The following P3H1 variants were observed in gnomAD, a reference collection of about 807,000 sequenced individuals.
P3H1 encodes prolyl 3-hydroxylase 1.
A neutral mutation model predicts 84.0 loss-of-function variants in P3H1; 69 were observed. The observed-to-expected ratio is 0.82, with a 90% CI of 0.68 to 1.00. The LOEUF (loss-of-function observed/expected upper bound fraction) is 1.00. Among genes scored for constraint, P3H1 ranks in the 50% least tolerant of loss-of-function variants. The pLI, the probability that P3H1 is intolerant of heterozygous loss-of-function variation, is 0.00. For missense variants in P3H1, 878 were observed against 962.8 expected, an observed-to-expected ratio of 0.91 and a Z score of 1.17; for synonymous variants, 366 against 388.8, an observed-to-expected ratio of 0.94 and a Z score of 0.69.
At position 42,755,713 on chromosome 1, in the gene P3H1, A is replaced by G. The variant is rs892385792; in HGVS notation, c.1081-76T>C. The stretch of plus-strand genomic sequence containing the variant: ...ACCTCTGGGAGTTCCCCTCCCTGGC[A>G]CCCCACACTGATGCTCCCATGTGAC... On this transcript the variant is annotated intron_variant, in intron 5 of 14. Transcript: ENST00000296388. 22 of 1,075,674 alleles carry G rather than the reference A, an allele frequency of 2.0e-5. No homozygotes were observed. In the African/African-American group the frequency reaches 3.1e-4, roughly 15 times the overall value. 66.6% of individuals were successfully genotyped at this position (1,075,674 alleles called of 1,614,324 possible).
chr1:42,746,638 G>C lies in P3H1; in HGVS notation c.*59C>G. ...CAGCCCCGAGGGGCTGGCCAGCTCA[G>C]AGTGCAGAAGAGTTCCTCTCCATGG... On this transcript the variant is annotated 3_prime_UTR_variant, in exon 15 of 15. Coordinates refer to ENST00000296388, the MANE Select transcript of P3H1 (RefSeq NM_022356.4). The C allele has an allele frequency of 7.1e-7, 1 of 1,407,840 alleles. No homozygotes were observed. Among genetic ancestry groups the C allele is most frequent in the Non-Finnish European group, 9.8e-7 (1 of 1,017,232 alleles). 87.2% of individuals were successfully genotyped at this position (1,407,840 alleles called of 1,614,324 possible).
chr1:42,758,797 T>G (rs775941167), intron 4 of P3H1, 55 bp downstream of exon 4: 1 of 1,605,800 alleles, frequency 6.2e-7, no homozygotes, highest in Non-Finnish European at 8.5e-7. Context: ...CTGCCCACCT[T>G]GCCTTTAGCT....
chr1:42,748,348 G>A lies in P3H1; in HGVS notation c.1721-31C>T, dbSNP rs1434674663. The A allele has an allele frequency of 2.6e-6, 4 of 1,519,114 alleles. No individual in the cohort carries two copies. The African/African-American group carries it at 5.5e-5, about 21-fold the overall frequency. 94.1% of individuals were successfully genotyped at this position (1,519,114 alleles called of 1,614,324 possible). On this transcript the variant is annotated intron_variant, in intron 11 of 14. Transcript: ENST00000296388. ...GCCAATGTCACACATGTTAGCAAGGGAGCACCTCGGGAGACGGCATAGCTC... is the reference window on the plus strand; with the variant it reads ...GCCAATGTCACACATGTTAGCAAGGAAGCACCTCGGGAGACGGCATAGCTC...
chr1:42,746,616 C>T lies in P3H1; in HGVS notation c.*81G>A. 1.7e-6 allele frequency: 2 copies of T among 1,195,670 alleles called. No homozygotes were observed. The highest frequency in any genetic ancestry group is 2.4e-6 in the Non-Finnish European group (2 of 825,298). 74.1% of individuals were successfully genotyped at this position (1,195,670 alleles called of 1,614,324 possible). A position where few individuals can be genotyped will look rare whatever the true frequency, so the allele number is the denominator to read the frequency against. ...CAGATGTAGGCTCACTGCTCTGCAG[C>T]CCCGAGGGGCTGGCCAGCTCAGAGT... On this transcript the variant is annotated 3_prime_UTR_variant, in exon 15 of 15. Transcript: ENST00000296388.
At chr1:42,752,409 GC>G in intron 9 of P3H1, 40 bp from the exon 10 acceptor site, 8 of 1,610,380 alleles carry the variant, frequency 5.0e-6, no homozygotes, top group Non-Finnish European at 6.8e-6. Context: ...AGCCAGGGCA[GC>G]TGAGGGCTTG....
chr1:42,762,587 C>A, intron 1 of P3H1, 112 bp from the exon 2 acceptor site: 1 of 1,172,258 alleles, frequency 8.5e-7, no homozygotes, highest in Non-Finnish European at 1.3e-6. Context: ...GAGCCCTCCA[C>A]TCAGCGTGCC....
intron 8 of P3H1, 99 bp from the exon 9 acceptor site, chr1:42,752,763 T>C (rs1296243803): frequency 2.0e-6 from 3 of 1,500,130 alleles, no homozygotes; most frequent in Non-Finnish European, 2.7e-6. Flanking sequence ...AAATTCCAGC[T>C]GTTTCCTTTT....
chr1:42,753,110 A>T (rs1652203296), intron 8 of P3H1, among the ~76,000 whole-genome samples: 1 of 152,232 alleles, frequency 6.6e-6, no homozygotes, highest in African/African-American at 2.4e-5. Context: ...TATAATGTTA[A>T]GAACAAGGAA....
rs751220415 is a variant in P3H1, at chr1:42,758,856, A to G, written c.936T>C (p.Tyr312=). 1.2e-5 allele frequency: 19 copies of G among 1,614,180 alleles called. No individual in the cohort carries two copies. The highest frequency in any genetic ancestry group is 1.3e-5 in the Non-Finnish European group (15 of 1,180,000). ...SHYNYLQFAY[Y]NIGNYTQAVE... ...AGGAAGGAAAGTAGGCCTTACTGTTATAGTAGGCAAACTGCAGATAATTAT... is the reference window on the plus strand; with the variant it reads ...AGGAAGGAAAGTAGGCCTTACTGTTGTAGTAGGCAAACTGCAGATAATTAT... Residue 312 remains tyrosine, a synonymous_variant, in exon 4 of 15, where the codon TAT becomes TAC. Transcript: ENST00000296388.
At chr1:42,763,918 G>A (rs1396938075) in intron 1 of P3H1, among the ~76,000 whole-genome samples, 1 of 151,952 alleles carries the variant, frequency 6.6e-6, no homozygotes, top group Non-Finnish European at 1.5e-5. Context: ...GCTGAGGCGG[G>A]CGGATCATGA....
At chr1:42,755,248 A>G (rs1250346970) in intron 6 of P3H1, 31 bp from the exon 7 acceptor site, 6 of 1,599,892 alleles carry the variant, frequency 3.8e-6, no homozygotes, top group Non-Finnish European at 5.1e-6. Context: ...TGAAAAAGGT[A>G]AGATGATCTA....
rs921973136 is a variant in P3H1, at chr1:42,754,159, T to G, written c.1345+710A>C. On this transcript the variant is annotated intron_variant, in intron 8 of 14. Coordinates refer to ENST00000296388, the MANE Select transcript of P3H1 (RefSeq NM_022356.4). This position sits in a 1 kb window ranked among gnomAD's most constrained non-coding sequence, Gnocchi z 4.0. Reference sequence around the variant, plus strand: ...GGTCAGAGGCCAGTGTCTGGAAGACTGGCCTAGCTACCTTGTGTGGGCAGG... The same window carrying G: ...GGTCAGAGGCCAGTGTCTGGAAGACGGGCCTAGCTACCTTGTGTGGGCAGG... 6.6e-5 allele frequency among the ~76,000 whole-genome samples: 10 copies of G among 152,158 alleles called. No individual in the cohort carries two copies. The highest frequency in any genetic ancestry group is 2.4e-4 in the African/African-American group (10 of 41,440).
chr1:42,762,447 G>A lies in P3H1; in HGVS notation c.494C>T (p.Ala165Val), dbSNP rs762738289. ...KINKLEKAVA[A>V]AHTFFVGNPE... ...ATTGCCCACGAAGAAGGTGTGTGCT[G>A]CAGCAACAGCTTTCTCCAACTTGTT... Residue 165 changes from alanine to valine, a missense_variant, in exon 2 of 15, where the codon GCA becomes GTA. By Grantham distance (64) the Ala-to-Val change is moderately conservative. Coordinates refer to ENST00000296388, the MANE Select transcript of P3H1 (RefSeq NM_022356.4). The A allele has an allele frequency of 6.2e-7, 1 of 1,614,092 alleles. No individual in the cohort carries two copies. The highest frequency in any genetic ancestry group is 8.5e-7 in the Non-Finnish European group (1 of 1,179,986).
At chr1:42,760,835 A>C (rs1652669737) in intron 2 of P3H1, 1 of 152,134 alleles carries the variant, frequency 6.6e-6, no homozygotes, top group Non-Finnish European at 1.5e-5. Flanking sequence ...TTGTATTTTT[A>C]GTAGAGACAG....
At position 42,750,312 on chromosome 1, in the gene P3H1, G is replaced by A; in HGVS notation, c.1594C>T (p.Leu532=). 4 of 1,614,110 alleles carry A rather than the reference G, an allele frequency of 2.5e-6. No homozygotes were observed. Among genetic ancestry groups the A allele is most frequent in the Non-Finnish European group, 3.4e-6 (4 of 1,180,014 alleles). The change falls in exon 11 of 15, where the codon CTG becomes TTG. Residue 532 remains leucine, a synonymous_variant. Coordinates refer to ENST00000296388, the MANE Select transcript of P3H1 (RefSeq NM_022356.4). The part of the protein sequence containing the change: ...LKLGQEGKVP[L]QSAHLYYNVT... ...TTGTAGTACAGGTGGGCACTCTGCA[G>A]AGGAACTTTGCCTTCTTGCCCCAGC...
At chr1:42,764,939 T>C (rs1652913378) in intron 1 of P3H1, among the ~76,000 whole-genome samples, 2 of 152,170 alleles carry the variant, frequency 1.3e-5, no homozygotes, top group Admixed American at 1.3e-4. Context: ...CCCAGCCTTC[T>C]TTACTCTCTA....
chr1:42,765,134 T>G (rs947873018), intron 1 of P3H1, among the ~76,000 whole-genome samples: 1 of 152,346 alleles, frequency 6.6e-6, no homozygotes, highest in Admixed American at 6.5e-5. Flanking sequence ...CTCACTGACT[T>G]TTCTAGCCGC....
intron 1 of P3H1, 85 bp downstream of exon 1, chr1:42,766,422 C>T (rs1018967609): frequency 6.4e-6 from 8 of 1,259,610 alleles, no homozygotes; most frequent in Non-Finnish European, 9.0e-6. Context: ...CGGACACTTC[C>T]CCGATCCCCC....
chr1:42,747,135 G>A, intron 14 of P3H1, 137 bp downstream of exon 14: 1 of 1,614,176 alleles, frequency 6.2e-7, no homozygotes, highest in Non-Finnish European at 8.5e-7. Flanking sequence ...CAGGGCGTTG[G>A]AGCTGGTGTC....
Sources: gnomAD v4.1 joint callset for allele counts (sites outside exome capture counted in the v4.1 genomes callset) on GRCh38, gnomAD v4.1.1 for gene constraint, Gnocchi (gnomAD v3.1) non-coding constraint, MANE v1.5 for transcripts, NCBI Gene and HGNC (gene_info 2026-07-23, HGNC 2026-07-21) for gene names.